Variants in TTC23L observed in about 807,000 individuals in gnomAD.
TTC23L encodes the protein tetratricopeptide repeat protein 23-like.
TTC23L carries 42 observed loss-of-function variants against 48.1 expected under a neutral mutation model. The observed-to-expected ratio is 0.87, with a 90% CI of 0.68 to 1.13. The LOEUF is 1.13. Ranked by LOEUF, TTC23L falls within the 50% of genes most tolerant of loss-of-function variation. The pLI is 0.00. For missense variants in TTC23L, 391 were observed against 421.0 expected, an observed-to-expected ratio of 0.93 and a Z score of 0.62; for synonymous variants, 159 against 157.2, an observed-to-expected ratio of 1.01 and a Z score of -0.09.
At chr5:34,901,178 T>G (rs1308953251), downstream of TTC23L, among the ~76,000 whole-genome samples, 1 of 152,206 alleles carries the variant, frequency 6.6e-6, no homozygotes, top group African/African-American at 2.4e-5. Context: ...TTTAAAAATA[T>G]TTCTAGGCAA....
At chr5:34,907,172 C>T in the TTC23L span, 2 of 152,230 alleles carry the variant, frequency 1.3e-5, no homozygotes, top group South Asian at 4.1e-4. Flanking sequence ...CTCTCCAAAC[C>T]AATTTTCTCT....
At chr5:34,909,180 A>G in the TTC23L span, 1 of 1,144,518 alleles carries the variant, frequency 8.7e-7, no homozygotes, top group Non-Finnish European at 1.3e-6. Context: ...AACAGATTGA[A>G]AGTGTTTTTA....
rs201569717 is a variant in TTC23L, at chr5:34,843,982, TA to T, written c.69-1496del. Among the ~76,000 whole-genome samples, 655 of 151,440 alleles carry T rather than the reference TA, an allele frequency of 4.3e-3. 5 individuals carry two copies. The highest frequency in any genetic ancestry group is 0.015 in the African/African-American group (638 of 41,278). On this transcript the variant is annotated intron_variant, in intron 2 of 10. Coordinates refer to ENST00000505624, the Ensembl canonical transcript of TTC23L. ...CAACAATAAAAAAATCAAACAACAA[TA>T]AAAAAAAATCACAGTGTACTAGCAG...
the TTC23L span, chr5:34,909,025 G>C: frequency 3.3e-5 from 43 of 1,304,172 alleles, no homozygotes; most frequent in Admixed American, 6.7e-5. Flanking sequence ...AGGATAAAAA[G>C]TAGCAAATCT....
the TTC23L span, chr5:34,907,981 C>T: frequency 6.6e-6 from 1 of 152,196 alleles, no homozygotes; most frequent in Non-Finnish European, 1.5e-5. Flanking sequence ...TGGCCTCCTC[C>T]CCAGAGTTTG....
chr5:34,840,859 C>T (rs1156286646), intron 2 of TTC23L, 120 bp downstream of exon 2: 17 of 906,104 alleles, frequency 1.9e-5, no homozygotes, highest in Non-Finnish European at 2.9e-5. Context: ...CCAGCCTGAC[C>T]AACATGGTGA....
chr5:34,901,362 T>C (rs1763506372), downstream of TTC23L, among the ~76,000 whole-genome samples: 1 of 152,230 alleles, frequency 6.6e-6, no homozygotes, highest in Non-Finnish European at 1.5e-5. Flanking sequence ...TCACCAAAAC[T>C]GCCTTGGGAG....
At position 34,863,290 on chromosome 5, in the gene TTC23L, C is replaced by T. The variant is rs1760816892; in HGVS notation, c.536+236C>T. On this transcript the variant is annotated intron_variant, in intron 5 of 10. Coordinates refer to ENST00000505624, the Ensembl canonical transcript of TTC23L. This position sits in a 1 kb window ranked among gnomAD's most constrained non-coding sequence, Gnocchi z 4.1. ...AAGAGATTTCACTAGTCACATATTACCTAGCCAGCTGAAGGTTTTCTGAGT... is the reference window on the plus strand; with the variant it reads ...AAGAGATTTCACTAGTCACATATTATCTAGCCAGCTGAAGGTTTTCTGAGT... 6.6e-6 allele frequency among the ~76,000 whole-genome samples: 1 copy of T among 152,142 alleles called. No individual in the cohort carries two copies. Among genetic ancestry groups the T allele is most frequent in the South Asian group, 2.1e-4 (1 of 4,826 alleles).
chr5:34,869,060 G>C (rs1268808103), intron 8 of TTC23L, 47 bp downstream of exon 8: 7 of 1,446,934 alleles, frequency 4.8e-6, no homozygotes. Flanking sequence ...TCACATGAGG[G>C]AAGCACATTG....
At chr5:34,883,709 C>G (rs1444373411) in intron 9 of TTC23L, among the ~76,000 whole-genome samples, 2 of 152,210 alleles carry the variant, frequency 1.3e-5, no homozygotes, top group East Asian at 3.9e-4. Flanking sequence ...TATTACCTAC[C>G]AAGACTGAAT....
At chr5:34,874,271 A>G (rs1008346463) in intron 8 of TTC23L, among the ~76,000 whole-genome samples, 3 of 152,244 alleles carry the variant, frequency 2.0e-5, no homozygotes, top group Non-Finnish European at 4.4e-5. Flanking sequence ...ACAGAAATTC[A>G]TAGGCACATA....
At chr5:34,914,842 A>G in the TTC23L span, 2 of 1,614,220 alleles carry the variant, frequency 1.2e-6, no homozygotes, top group South Asian at 2.2e-5. Flanking sequence ...GGCTGGCCAC[A>G]AGGCTGTACT....
In TTC23L at chr5:34,863,636, G is replaced by A. The variant is rs948692243; in HGVS notation, c.536+582G>A. ...CATTTTAGTTTTTTGAAATGCTCTT[G>A]TGGATACTGCCCATGAGGCTGGAGG... On this transcript the variant is annotated intron_variant, in intron 5 of 10. Transcript: ENST00000505624. The surrounding 1 kb of genome is among the most constrained non-coding windows in gnomAD (Gnocchi z 4.1). Among the ~76,000 whole-genome samples, 12 of 152,174 alleles carry A rather than the reference G, an allele frequency of 7.9e-5. No individual in the cohort carries two copies. Among genetic ancestry groups the A allele is most frequent in the Non-Finnish European group, 1.5e-5 (1 of 68,036 alleles).
At chr5:34,895,834 A>C (rs1763187090) in intron 9 of TTC23L, among the ~76,000 whole-genome samples, 1 of 152,230 alleles carries the variant, frequency 6.6e-6, no homozygotes, top group South Asian at 2.1e-4. Flanking sequence ...GTCTTGGGCA[A>C]GACCTTAGTG....
At chr5:34,852,335 T>A (rs1407079422) in intron 4 of TTC23L, among the ~76,000 whole-genome samples, 1 of 152,128 alleles carries the variant, frequency 6.6e-6, no homozygotes, top group African/African-American at 2.4e-5. Flanking sequence ...GGGGTTAAGG[T>A]AGGACGGAAG....
At chr5:34,859,160 C>G (rs927489536) in intron 4 of TTC23L, among the ~76,000 whole-genome samples, 3 of 152,162 alleles carry the variant, frequency 2.0e-5, no homozygotes, top group Non-Finnish European at 4.4e-5. Context: ...GCAGTTTCAC[C>G]TTTCTTCTTC....
chr5:34,901,692 G>T (rs184023310), downstream of TTC23L, among the ~76,000 whole-genome samples: 180 of 152,292 alleles, frequency 1.2e-3, no homozygotes, highest in African/African-American at 4.2e-3. Context: ...AACCTGGGAG[G>T]TGGAGGTTGC....
At chr5:34,896,730 C>T (rs1232320505) in intron 9 of TTC23L, 40 bp from the exon 10 acceptor site, 1 of 765,532 alleles carries the variant, frequency 1.3e-6, no homozygotes, top group Non-Finnish European at 2.4e-6. Context: ...AATTGGAAAA[C>T]ACTTCATAGA....
chr5:34,866,302 GT>G (rs1761045108), intron 6 of TTC23L, among the ~76,000 whole-genome samples: 2 of 152,182 alleles, frequency 1.3e-5, no homozygotes, highest in Non-Finnish European at 2.9e-5. Flanking sequence ...CACAGTCTAA[GT>G]GCAGCTTTAT....
Sources: allele counts gnomAD v4.1 joint callset (sites outside exome capture counted in the v4.1 genomes callset), GRCh38; gene constraint gnomAD v4.1.1; non-coding constraint Gnocchi (gnomAD v3.1); transcripts MANE v1.5; gene names NCBI Gene and HGNC (gene_info 2026-07-23, HGNC 2026-07-21).